The following DNAH11 variants were observed in gnomAD, a reference collection of about 807,000 sequenced individuals.
DNAH11 encodes the protein dynein axonemal heavy chain 11, also known as axonemal beta dynein heavy chain 11.
Under a neutral mutation model 526.0 loss-of-function variants are expected in DNAH11, and 442 were observed. The ratio of observed to expected loss-of-function variants is 0.84; its 90% CI spans 0.78 to 0.91. The LOEUF (loss-of-function observed/expected upper bound fraction) is 0.91. Among genes scored for constraint, DNAH11 ranks in the 40% least tolerant of loss-of-function variants. DNAH11 has a pLI of 0.00. For missense variants in DNAH11, 6,989 were observed against 5,448.7 expected, an observed-to-expected ratio of 1.28 and a Z score of -8.90; for synonymous variants, 2,461 against 1,935.9, an observed-to-expected ratio of 1.27 and a Z score of -7.12.
At chr7:21,806,258 G>T (rs1162815243) in intron 62 of DNAH11, among the ~76,000 whole-genome samples, 2 of 152,208 alleles carry the variant, frequency 1.3e-5, no homozygotes, top group African/African-American at 2.4e-5. Flanking sequence ...TTTGGAGAAT[G>T]AGTTGGATAC....
chr7:21,598,196 C>G (rs1261428877), intron 14 of DNAH11, among the ~76,000 whole-genome samples: 1 of 152,180 alleles, frequency 6.6e-6, no homozygotes, highest in African/African-American at 2.4e-5. Flanking sequence ...ATTCCAGTGT[C>G]ACCTTATAAT....
Position 21,787,563 on chromosome 7 carries a change from A to G in DNAH11, c.9904A>G (p.Asn3302Asp), listed in dbSNP as rs1271215183. ...AGCTGGCCTGTGTGCCTGGGTCATCAACATCATTAAATTCTATGAGGTATC... is the reference window on the plus strand; with the variant it reads ...AGCTGGCCTGTGTGCCTGGGTCATCGACATCATTAAATTCTATGAGGTATC... ...AAAGLCAWVI[N>D]IIKFYEVYCD... The change falls in exon 60 of 82, where the codon AAC (asparagine) becomes GAC (aspartate). Residue 3302 changes from asparagine (N) to aspartate (D), a missense_variant. By Grantham distance (23) the Asn-to-Asp change is conservative (BLOSUM62 1). Transcript: ENST00000409508. The G allele has an allele frequency of 6.2e-7, 1 of 1,611,344 alleles. No individual in the cohort carries two copies. The highest frequency in any genetic ancestry group is 8.5e-7 in the Non-Finnish European group (1 of 1,178,808).
Position 21,842,650 on chromosome 7 carries a change from A to G in DNAH11, c.10798A>G (p.Thr3600Ala). Residue 3600 changes from threonine to alanine, a missense_variant, in exon 66 of 82, where the codon ACA becomes GCA. Physicochemically the swap from Thr to Ala is moderately conservative, Grantham distance 58. Coordinates refer to ENST00000409508, the MANE Select transcript of DNAH11 (RefSeq NM_001277115.2). Reference sequence around the variant, plus strand: ...CTATAAGCCGGAATTACAAGCTCAGACAACTCTCCTCAATTTCACAGTCAC... The same window carrying G: ...CTATAAGCCGGAATTACAAGCTCAGGCAACTCTCCTCAATTTCACAGTCAC... ...PHYKPELQAQTTLLNFTVTED... is the reference protein window; with the variant it reads ...PHYKPELQAQATLLNFTVTED... The G allele has an allele frequency of 6.2e-7, 1 of 1,613,976 alleles. No individual in the cohort carries two copies. The highest frequency in any genetic ancestry group is 8.5e-7 in the Non-Finnish European group (1 of 1,179,860).
At chr7:21,554,293 C>T (rs1292129569) in intron 2 of DNAH11, among the ~76,000 whole-genome samples, 1 of 151,838 alleles carries the variant, frequency 6.6e-6, no homozygotes, top group African/African-American at 2.4e-5. Context: ...CCTGCCGCAG[C>T]CTCCTGAGTA....
chr7:21,628,064 G>T (rs1786431300), intron 25 of DNAH11, among the ~76,000 whole-genome samples: 1 of 151,884 alleles, frequency 6.6e-6, no homozygotes, highest in African/African-American at 2.4e-5. Flanking sequence ...AAATGTGATT[G>T]CCTTCTTGAT....
At chr7:21,585,780 A>G (rs183640469) in intron 9 of DNAH11, among the ~76,000 whole-genome samples, 1 of 152,350 alleles carries the variant, frequency 6.6e-6, no homozygotes, top group East Asian at 1.9e-4. Context: ...TACTACACCG[A>G]ACAATGGCAA....
chr7:21,677,793 A>T (rs1230420441), intron 30 of DNAH11, among the ~76,000 whole-genome samples: 1 of 152,188 alleles, frequency 6.6e-6, no homozygotes, highest in Non-Finnish European at 1.5e-5. Flanking sequence ...GTGAGGTGAT[A>T]GCTCATTGTG....
intron 30 of DNAH11, among the ~76,000 whole-genome samples, chr7:21,670,355 T>C (rs1782595928): frequency 1.3e-5 from 2 of 152,138 alleles, no homozygotes; most frequent in Admixed American, 1.3e-4. Flanking sequence ...CATAGAAATT[T>C]ATTGATTTTT....
At chr7:21,694,917 T>C (rs146081843) in intron 35 of DNAH11, among the ~76,000 whole-genome samples, 13 of 152,378 alleles carry the variant, frequency 8.5e-5, no homozygotes, top group African/African-American at 2.2e-4. Context: ...TGACATCTCA[T>C]TGTGGTTTTG....
intron 54 of DNAH11, among the ~76,000 whole-genome samples, chr7:21,762,848 CAA>C (rs1159341789): frequency 6.6e-6 from 1 of 152,042 alleles, no homozygotes; most frequent in East Asian, 1.9e-4. Context: ...GCCAAGGAAA[CAA>C]AAGCAAAAAC....
intron 2 of DNAH11, among the ~76,000 whole-genome samples, chr7:21,555,439 T>C (rs985655218): frequency 1.3e-5 from 2 of 152,216 alleles, no homozygotes; most frequent in Admixed American, 1.3e-4. Flanking sequence ...TTTTGGTCAG[T>C]CTTTGTGTCC....
intron 61 of DNAH11, among the ~76,000 whole-genome samples, chr7:21,789,789 C>CTCTCTCCTTCCTTCCTTTTT (rs1788363299): frequency 1.1e-5 from 1 of 92,466 alleles, no homozygotes; most frequent in African/African-American, 4.4e-5. Context: ...TTCTTTCTTT[C>CTCTCTCCTTCCTTCCTTTTT]TTTCTTTCTT....
intron 30 of DNAH11, among the ~76,000 whole-genome samples, chr7:21,664,755 C>T (rs956820445): frequency 1.3e-5 from 2 of 152,080 alleles, no homozygotes; most frequent in South Asian, 2.1e-4. Context: ...GCCACTGCCT[C>T]GGCCAGTTGT....
At chr7:21,810,119 G>A (rs1164537113) in intron 63 of DNAH11, among the ~76,000 whole-genome samples, 2 of 152,140 alleles carry the variant, frequency 1.3e-5, no homozygotes, top group African/African-American at 2.4e-5. Context: ...TTAAAGTGTA[G>A]CATTTTATAT....
chr7:21,803,912 T>C (rs1024132398), intron 62 of DNAH11, among the ~76,000 whole-genome samples: 1 of 151,984 alleles, frequency 6.6e-6, no homozygotes, highest in African/African-American at 2.4e-5. Context: ...ATCATTGAAG[T>C]CTGGAAAAGT....
intron 34 of DNAH11, among the ~76,000 whole-genome samples, chr7:21,688,027 G>T (rs910079914): frequency 6.6e-6 from 1 of 152,130 alleles, no homozygotes; most frequent in African/African-American, 2.4e-5. Flanking sequence ...GTGCCACCGT[G>T]CTCCAGCCTA....
intron 11 of DNAH11, among the ~76,000 whole-genome samples, chr7:21,588,977 G>A (rs773423224): frequency 1.4e-4 from 21 of 151,840 alleles, no homozygotes; most frequent in Admixed American, 2.6e-4. Flanking sequence ...CTCTTCCTAG[G>A]AGCCAGTAGC....
intron 40 of DNAH11, among the ~76,000 whole-genome samples, chr7:21,708,611 TG>T (rs1784355833): frequency 1.3e-5 from 2 of 152,246 alleles, no homozygotes; most frequent in Non-Finnish European, 2.9e-5. Context: ...TAACGCTCTA[TG>T]GGATTGGATC....
At chr7:21,788,540 A>C (rs1209925769) in intron 60 of DNAH11, among the ~76,000 whole-genome samples, 1 of 152,070 alleles carries the variant, frequency 6.6e-6, no homozygotes, top group African/African-American at 2.4e-5. Flanking sequence ...TTTTGCTATA[A>C]AATAGGAAAG....
Sources: gnomAD v4.1 joint callset for allele counts (sites outside exome capture counted in the v4.1 genomes callset) on GRCh38, gnomAD v4.1.1 for gene constraint, MANE v1.5 for transcripts, NCBI Gene and HGNC (gene_info 2026-07-23, HGNC 2026-07-21) for gene names.